The following SNAPC3 variants were observed in gnomAD, a reference collection of about 807,000 sequenced individuals.
SNAPC3 encodes snRNA-activating protein complex subunit 3.
A neutral mutation model predicts 47.7 loss-of-function variants in SNAPC3; 56 were observed. The ratio of observed to expected loss-of-function variants is 1.18; its 90% CI spans 0.95 to 1.47. The LOEUF is 1.47. Ranked by LOEUF, SNAPC3 falls within the 40% of genes most tolerant of loss-of-function variation. SNAPC3 has a pLI of 0.00. For synonymous variants in SNAPC3, 235 were observed against 189.9 expected, an observed-to-expected ratio of 1.24 and a Z score of -1.95; for missense variants, 665 against 511.3, an observed-to-expected ratio of 1.30 and a Z score of -2.90.
intron 3 of SNAPC3, among the ~76,000 whole-genome samples, chr9:15,438,889 C>T (rs2033066574): frequency 6.6e-6 from 1 of 151,926 alleles, no homozygotes; most frequent in Non-Finnish European, 1.5e-5. Context: ...TCTCCTGTTT[C>T]TTTATTGATC....
Position 15,423,109 on chromosome 9 carries a change from C to T in SNAPC3, c.230C>T (p.Ala77Val). 1 of 1,550,296 alleles carries T rather than the reference C, an allele frequency of 6.5e-7. No homozygotes were observed. Among genetic ancestry groups the T allele is most frequent in the Non-Finnish European group, 8.6e-7 (1 of 1,159,076 alleles). The part of the protein sequence containing the change: ...PASALPGSQA[A>V]DSDREDAAVA... Reference sequence around the variant, plus strand: ...TCCGCTCTGCCTGGGAGCCAGGCAGCTGACTCCGACCGGGAGGATGCCGCG... The same window carrying T: ...TCCGCTCTGCCTGGGAGCCAGGCAGTTGACTCCGACCGGGAGGATGCCGCG... Residue 77 changes from alanine to valine, a missense_variant, in exon 1 of 9, where the codon GCT becomes GTT. Ala to Val is a moderately conservative substitution (Grantham distance 64). Coordinates refer to ENST00000380821, the MANE Select transcript of SNAPC3 (RefSeq NM_001039697.2).
At chr9:15,465,365 G>GTTTAC (rs577439536), downstream of SNAPC3, 8 of 636,460 alleles carry the variant, frequency 1.3e-5, no homozygotes, top group Admixed American at 3.4e-5. Context: ...TAGCGATAAT[G>GTTTAC]TTTACTTTAC....
At chr9:15,466,607 A>C, downstream of SNAPC3, 1 of 618,444 alleles carries the variant, frequency 1.6e-6, no homozygotes, top group Non-Finnish European at 2.6e-6. Flanking sequence ...TCCTTTTTGA[A>C]TTGTAACTTG....
At chr9:15,440,954 A>C (rs1160800222) in intron 3 of SNAPC3, among the ~76,000 whole-genome samples, 3 of 151,626 alleles carry the variant, frequency 2.0e-5, no homozygotes, top group Admixed American at 6.6e-5. Context: ...GTCTCAAAAA[A>C]AAAAAAAAAA....
chr9:15,438,340 C>T (rs2033016320), intron 3 of SNAPC3, among the ~76,000 whole-genome samples: 1 of 152,018 alleles, frequency 6.6e-6, no homozygotes, highest in Non-Finnish European at 1.5e-5. Flanking sequence ...ACTTTTACTT[C>T]TCATTTTAGT....
At chr9:15,451,979 A>T (rs1304514377) in intron 6 of SNAPC3, among the ~76,000 whole-genome samples, 1 of 152,114 alleles carries the variant, frequency 6.6e-6, no homozygotes, top group Non-Finnish European at 1.5e-5. Flanking sequence ...TTAAAAAAAA[A>T]AAATGAAAAA....
At chr9:15,456,896 CTATCAAAAGGT>C (rs1368093945) in intron 7 of SNAPC3, among the ~76,000 whole-genome samples, 10 of 152,312 alleles carry the variant, frequency 6.6e-5, no homozygotes, top group African/African-American at 2.4e-4. Flanking sequence ...ATAATACCAA[CTATCAAAAGGT>C]TAATTATTTT....
intron 7 of SNAPC3, among the ~76,000 whole-genome samples, chr9:15,455,061 G>A (rs903083072): frequency 9.2e-5 from 14 of 152,176 alleles, no homozygotes; most frequent in Admixed American, 5.9e-4. Flanking sequence ...GCAGTAATTC[G>A]TCCTGAATTA....
At chr9:15,440,665 C>G (rs542205312) in intron 3 of SNAPC3, among the ~76,000 whole-genome samples, 6 of 152,240 alleles carry the variant, frequency 3.9e-5, no homozygotes, top group Non-Finnish European at 7.4e-5. Context: ...TTTAAAAAAT[C>G]AGGGCCGGGC....
intron 3 of SNAPC3, among the ~76,000 whole-genome samples, chr9:15,441,383 CTTTT>C (rs77103785): frequency 2.2e-4 from 13 of 59,572 alleles, no homozygotes; most frequent in Admixed American, 1.7e-3. Context: ...GTTCCCTTTT[CTTTT>C]TTTTTTTTTT....
At chr9:15,454,797 G>A (rs2034651090) in intron 7 of SNAPC3, among the ~76,000 whole-genome samples, 1 of 152,188 alleles carries the variant, frequency 6.6e-6, no homozygotes. Context: ...AGCCAGGCGT[G>A]GTGGTGGGCA....
intron 3 of SNAPC3, among the ~76,000 whole-genome samples, chr9:15,440,998 C>G (rs142136100): frequency 6.6e-6 from 1 of 151,568 alleles, no homozygotes; most frequent in African/African-American, 2.4e-5. Context: ...TCTATCTGCC[C>G]ATTCTCTGGT....
chr9:15,464,867 T>A (rs2035505034), downstream of SNAPC3: 1 of 210,516 alleles, frequency 4.8e-6, no homozygotes, highest in East Asian at 7.2e-5. Context: ...CCTTCAAAAA[T>A]TAATGTTTTA....
intron 7 of SNAPC3, among the ~76,000 whole-genome samples, chr9:15,457,007 A>G (rs2034847499): frequency 1.3e-5 from 2 of 152,328 alleles, no homozygotes; most frequent in South Asian, 4.1e-4. Flanking sequence ...TTCATCTTTC[A>G]GAAGAATCTG....
At chr9:15,447,286 C>G (rs1418189338) in intron 5 of SNAPC3, 42 bp downstream of exon 5, 2 of 1,581,466 alleles carry the variant, frequency 1.3e-6, no homozygotes. Context: ...AAATAACAAG[C>G]TAAGAAAATA....
chr9:15,431,802 G>A (rs1391420336), intron 2 of SNAPC3: 2 of 151,752 alleles, frequency 1.3e-5, no homozygotes, highest in East Asian at 3.9e-4. Flanking sequence ...TAAAAAATAA[G>A]GCTAGTTGTA....
chr9:15,453,075 G>A lies in SNAPC3; in HGVS notation c.850G>A (p.Gly284Ser). 6 of 1,613,662 alleles carry A rather than the reference G, an allele frequency of 3.7e-6. No homozygotes were observed. Among genetic ancestry groups the A allele is most frequent in the Non-Finnish European group, 5.1e-6 (6 of 1,179,638 alleles). Reference protein sequence around the residue: ...IIEWSESHDRGYGKFQTARME... With the variant: ...IIEWSESHDRSYGKFQTARME... ...TGAGTGGTCAGAGTCCCATGATAGA[G>A]GCTATGGAAAGTTTCAGACTGCTAG... Residue 284 changes from glycine to serine, a missense_variant, in exon 7 of 9, where the codon GGC (glycine) becomes AGC (serine). Coordinates refer to ENST00000380821, the MANE Select transcript of SNAPC3 (RefSeq NM_001039697.2).
chr9:15,458,004 T>A lies in SNAPC3; in HGVS notation c.1025T>A (p.Leu342His). ...DDCLDRTLYPLLIKKHWLWTR... is the reference protein window; with the variant it reads ...DDCLDRTLYPHLIKKHWLWTR... The stretch of plus-strand genomic sequence containing the variant: ...TGCTTGGATAGGACATTGTATCCCC[T>A]CCTTATCAAGAAGCATTGGCTATGG... The change falls in exon 8 of 9, where the codon CTC becomes CAC. Residue 342 changes from leucine to histidine, a missense_variant. Leu to His is a moderately conservative substitution (Grantham distance 99, BLOSUM62 -3). Coordinates refer to ENST00000380821, the MANE Select transcript of SNAPC3 (RefSeq NM_001039697.2). 1 of 1,598,734 alleles carries A rather than the reference T, an allele frequency of 6.3e-7. No individual in the cohort carries two copies. The highest frequency in any genetic ancestry group is 8.5e-7 in the Non-Finnish European group (1 of 1,175,008).
chr9:15,422,921 G>A lies in SNAPC3; in HGVS notation c.42G>A (p.Val14=). The A allele has an allele frequency of 1.3e-6, 2 of 1,537,316 alleles. No homozygotes were observed. The highest frequency in any genetic ancestry group is 1.7e-6 in the Non-Finnish European group (2 of 1,143,184). ...GSRGGPTCSG[V]GGRQDPVSGS... is the part of the protein sequence containing the mutation. ...GAGGTGGCCCTACGTGTAGCGGGGT[G>A]GGTGGCAGGCAGGACCCAGTCTCCG... Residue 14 remains valine (V), a synonymous_variant, in exon 1 of 9, where the codon GTG becomes GTA. Coordinates refer to ENST00000380821, the MANE Select transcript of SNAPC3 (RefSeq NM_001039697.2).
Sources: gnomAD v4.1 joint callset for allele counts (sites outside exome capture counted in the v4.1 genomes callset) on GRCh38, gnomAD v4.1.1 for gene constraint, MANE v1.5 for transcripts, NCBI Gene and HGNC (gene_info 2026-07-23, HGNC 2026-07-21) for gene names.